The following DMD variants were observed in gnomAD, a reference collection of about 807,000 sequenced individuals.
DMD encodes the protein dystrophin.
DMD carries 63 observed loss-of-function variants against 330.1 expected under a neutral mutation model. That is an observed-to-expected ratio of 0.19 (90% CI 0.16 to 0.24). DMD has a LOEUF of 0.24. DMD is among the 10% of genes least tolerant of loss of function. DMD has a pLI of 1.00. For synonymous variants in DMD, 1,223 were observed against 959.8 expected (o/e 1.27, Z -5.07); for missense variants, 3,344 against 2,684.1 (o/e 1.25, Z -5.43).
intron 44 of DMD, among the ~76,000 whole-genome samples, chrX:32,059,598 T>C (rs934079458): frequency 2.7e-5 from 3 of 111,791 alleles, no homozygotes; most frequent in Non-Finnish European, 5.7e-5. Flanking sequence ...TAAGGTAGAT[T>C]ATTCCAGGCT....
chrX:31,379,540 T>C (rs895150964), intron 60 of DMD, among the ~76,000 whole-genome samples: 2 of 111,474 alleles, frequency 1.8e-5, no homozygotes, highest in African/African-American at 3.3e-5. Flanking sequence ...GCTCCCGACA[T>C]TAAACTCCAA....
chrX:32,526,352 A>G, intron 17 of DMD, among the ~76,000 whole-genome samples: 1 of 111,900 alleles, frequency 8.9e-6, no homozygotes, highest in Middle Eastern at 4.6e-3. Flanking sequence ...TCTCCTTTAC[A>G]AATATACTCA....
At chrX:32,491,183 G>C (rs1056263512) in intron 20 of DMD, 94 bp downstream of exon 20, 4 of 1,064,864 alleles carry the variant, frequency 3.8e-6, no homozygotes, top group East Asian at 3.0e-5. Context: ...GAAGGTGAAC[G>C]TTTCATTACT....
At chrX:33,322,426 C>T (rs2054029111) in intron 1 of DMD, among the ~76,000 whole-genome samples, 1 of 110,617 alleles carries the variant, frequency 9.0e-6, no homozygotes, top group East Asian at 2.9e-4. Flanking sequence ...ACTCAGAACA[C>T]ACACAACATT....
rs1184503794 is a variant in DMD at position 32,587,215 on chromosome X, G to A, written c.1602+8542C>T. Among the ~76,000 whole-genome samples the A allele has an allele frequency of 2.7e-5, 3 of 111,703 alleles. No homozygotes were observed. In the Admixed American group the frequency reaches 2.9e-4, roughly 11 times the overall value. On this transcript the variant is annotated intron_variant, in intron 13 of 78. Coordinates refer to ENST00000357033, the MANE Select transcript of DMD (RefSeq NM_004006.3). ...TCTTTCTGAACAACTACCTTTCACA[G>A]TATAGCATTTTCTTTCCAAGTGGCT...
rs55898363 is a variant in DMD, at chrX:32,809,919, C to CAAAAAAA, written c.531-315_531-309dup. On this transcript the variant is annotated intron_variant, in intron 6 of 78. Transcript: ENST00000357033. ...CAATTTGGTGAAACCTTGTTTCTACCAAAAAAAAAAAAAAAAAAAAAAAAA... is the reference window on the plus strand; with the variant it reads ...CAATTTGGTGAAACCTTGTTTCTACCAAAAAAAAAAAAAAAAAAAAAAAAAAAAAAAA... 3.3e-3 allele frequency among the ~76,000 whole-genome samples: 94 copies of CAAAAAAA among 28,612 alleles called. 1 individual carries two copies. The highest frequency in any genetic ancestry group is 4.5e-3 in the Non-Finnish European group (78 of 17,255). The allele number at this position is 28,612 out of a possible 115,157, so 24.8% of individuals were successfully genotyped here.
intron 55 of DMD, among the ~76,000 whole-genome samples, chrX:31,565,361 C>T (rs750639666): frequency 6.3e-5 from 7 of 111,611 alleles, no homozygotes; most frequent in Admixed American, 1.9e-4. Context: ...TCTGTCACTT[C>T]AAGACGGCTA....
chrX:31,615,031 G>T (rs1246875956), intron 55 of DMD, among the ~76,000 whole-genome samples: 1 of 111,567 alleles, frequency 9.0e-6, no homozygotes, highest in Non-Finnish European at 1.9e-5. Context: ...TTTCCAGTAG[G>T]ATGGGTAGTG....
At chrX:32,082,519 G>C (rs778178302) in intron 44 of DMD, among the ~76,000 whole-genome samples, 1 of 111,387 alleles carries the variant, frequency 9.0e-6, no homozygotes, top group East Asian at 2.8e-4. Context: ...CAGCCCCCCA[G>C]TGTTGGGATT....
At chrX:31,204,239 G>A (rs2043825200) in intron 66 of DMD, 121 bp from the exon 67 acceptor site, 4 of 606,827 alleles carry the variant, frequency 6.6e-6, no homozygotes, top group South Asian at 5.1e-5. Context: ...TCCACAGAGT[G>A]GGGTTACTTC....
Position 32,985,815 on chromosome X carries a change from T to G in DMD, c.93+34324A>C, listed in dbSNP as rs1377620798. ...AGAAAAAATAGCTTATTCCAATTAATTGTTGAAACCTATAAAGGTAAAACA... is the reference window on the plus strand; with the variant it reads ...AGAAAAAATAGCTTATTCCAATTAAGTGTTGAAACCTATAAAGGTAAAACA... On this transcript the variant is annotated intron_variant, in intron 2 of 78. Transcript: ENST00000357033. Among the ~76,000 whole-genome samples the G allele has an allele frequency of 9.9e-5, 11 of 111,442 alleles. No homozygotes were observed. In the Admixed American group the frequency reaches 1.1e-3, roughly 11 times the overall value.
In DMD at chrX:32,776,896, T is replaced by A. The variant is rs767560261; in HGVS notation, c.649+32597A>T. ...ATCCAACCAAAAATATGCTTGTGCA[T>A]GAAAGCTGATGTTTTATGGTTACAA... is the stretch of plus-strand genomic sequence containing the variant. On this transcript the variant is annotated intron_variant, in intron 7 of 78. Transcript: ENST00000357033. Among the ~76,000 whole-genome samples the A allele has an allele frequency of 5.4e-5, 6 of 111,813 alleles. No individual in the cohort carries two copies. In the South Asian group the frequency reaches 1.1e-3, roughly 21 times the overall value.
At chrX:31,697,207 A>G (rs2083497899) in intron 52 of DMD, among the ~76,000 whole-genome samples, 2 of 111,549 alleles carry the variant, frequency 1.8e-5, no homozygotes, top group African/African-American at 6.5e-5. Flanking sequence ...TCAAAAACAT[A>G]TTATGGCAAT....
intron 60 of DMD, among the ~76,000 whole-genome samples, chrX:31,370,002 G>C (rs1311400808): frequency 9.2e-5 from 10 of 108,245 alleles, no homozygotes; most frequent in African/African-American, 3.4e-4. Context: ...GGGAGGCTGA[G>C]GCAGGAGAAT....
At chrX:32,369,453 G>A (rs758077988) in intron 34 of DMD, among the ~76,000 whole-genome samples, 3 of 111,465 alleles carry the variant, frequency 2.7e-5, no homozygotes, top group South Asian at 7.5e-4. Flanking sequence ...CACTGATACA[G>A]TAGCAAGATG....
intron 50 of DMD, among the ~76,000 whole-genome samples, chrX:31,794,718 C>CT (rs373671829): frequency 1.7e-3 from 170 of 99,428 alleles, no homozygotes; most frequent in African/African-American, 3.7e-3. Flanking sequence ...GCTAGTTCCT[C>CT]TTTTTTTTTT....
At chrX:32,693,242 GAT>G (rs1434343758) in intron 9 of DMD, among the ~76,000 whole-genome samples, 4 of 111,933 alleles carry the variant, frequency 3.6e-5, no homozygotes, top group Non-Finnish European at 5.6e-5. Context: ...CAGCCCTGCT[GAT>G]ATGTTAATGT....
chrX:32,699,319 C>G (rs1414055889), intron 7 of DMD, 26 bp from the exon 8 acceptor site: 1 of 1,151,619 alleles, frequency 8.7e-7, no homozygotes, highest in Admixed American at 2.2e-5. Context: ...CACTACACAT[C>G]AATTTTTGGT....
chrX:32,170,140 T>C (rs1191373871), intron 44 of DMD, among the ~76,000 whole-genome samples: 1 of 110,863 alleles, frequency 9.0e-6, no homozygotes, highest in East Asian at 2.8e-4. Context: ...CCACACCTGT[T>C]ACTTTTGACA....
Sources: allele counts gnomAD v4.1 joint callset (sites outside exome capture counted in the v4.1 genomes callset), GRCh38; gene constraint gnomAD v4.1.1; transcripts MANE v1.5; gene names NCBI Gene and HGNC (gene_info 2026-07-23, HGNC 2026-07-21).